EPS15L1: variants seen among roughly 807,000 people sequenced by gnomAD.
EPS15L1 encodes epidermal growth factor receptor substrate 15-like 1.
Under a neutral mutation model 117.1 loss-of-function variants are expected in EPS15L1, and 43 were observed. The observed-to-expected ratio is 0.37, with a 90% CI of 0.29 to 0.47. EPS15L1 has a LOEUF of 0.47. EPS15L1 is among the 20% of genes least tolerant of loss of function. The pLI, the probability that EPS15L1 is intolerant of heterozygous loss-of-function variation, is 0.99. For synonymous variants in EPS15L1, 459 were observed against 470.5 expected, an observed-to-expected ratio of 0.98 and a Z score of 0.32; for missense variants, 981 against 1,164.0, an observed-to-expected ratio of 0.84 and a Z score of 2.29.
chr19:16,423,182 A>G (rs1214310861), intron 9 of EPS15L1, among the ~76,000 whole-genome samples: 1 of 152,196 alleles, frequency 6.6e-6, no homozygotes, highest in African/African-American at 2.4e-5. Flanking sequence ...AAGGGATACC[A>G]TGTGACCCAG....
At position 16,417,983 on chromosome 19, in the gene EPS15L1, T is replaced by A. The variant is rs144887012; in HGVS notation, c.1072A>T (p.Met358Leu). 28 of 1,614,050 alleles carry A rather than the reference T, an allele frequency of 1.7e-5. No homozygotes were observed. In the African/African-American group the frequency reaches 2.1e-4, roughly 12 times the overall value. ...GTGCCTCTCTCCGAAGGCGGGACCATGTCCGGCGAGAGGACTTGAGGAGGG... is the reference window on the plus strand; with the variant it reads ...GTGCCTCTCTCCGAAGGCGGGACCAAGTCCGGCGAGAGGACTTGAGGAGGG... ...IDPPQVLSPD[M>L]VPPSERGTPG... The change falls in exon 11 of 24, where the codon ATG (methionine) becomes TTG (leucine). Residue 358 changes from methionine to leucine, a missense_variant. By Grantham distance (15) the Met-to-Leu change is conservative. Coordinates refer to ENST00000455140, the MANE Select transcript of EPS15L1 (RefSeq NM_001258374.3).
In EPS15L1 at chr19:16,371,204, T is replaced by C. The variant is rs971338579; in HGVS notation, c.2380+5918A>G. ...AGGTCACTGAGCCCTGGTTTCGATG[T>C]TGGCCTGGCATTTCAGAGAAGTGGG... On this transcript the variant is annotated intron_variant, in intron 22 of 23. Coordinates refer to ENST00000455140, the MANE Select transcript of EPS15L1 (RefSeq NM_001258374.3). This position sits in a 1 kb window ranked among gnomAD's most constrained non-coding sequence, Gnocchi z 4.7. 6.6e-6 allele frequency among the ~76,000 whole-genome samples: 1 copy of C among 152,100 alleles called. No homozygotes were observed. The highest frequency in any genetic ancestry group is 1.5e-5 in the Non-Finnish European group (1 of 68,012).
At chr19:16,397,310 GAT>G (rs1327874705) in intron 16 of EPS15L1, among the ~76,000 whole-genome samples, 1 of 152,048 alleles carries the variant, frequency 6.6e-6, no homozygotes, top group East Asian at 1.9e-4. Flanking sequence ...GGCCAGTCTT[GAT>G]CTCCTGACCT....
chr19:16,393,116 A>C (rs1165646209), intron 18 of EPS15L1, among the ~76,000 whole-genome samples: 1 of 82,314 alleles, frequency 1.2e-5, no homozygotes, highest in African/African-American at 3.7e-5. Context: ...TAATAATAAT[A>C]ATAATAATAA....
chr19:16,361,938 C>T lies in EPS15L1; in HGVS notation c.2427G>A (p.Glu809=), dbSNP rs1392035029. ...CGAGTGGCTGGAATGGATCGGGGGCCTCGGGAAAGTCTGCGGAACCAAGCT... is the reference window on the plus strand; with the variant it reads ...CGAGTGGCTGGAATGGATCGGGGGCTTCGGGAAAGTCTGCGGAACCAAGCT... ...VSQLGSADFP[E]APDPFQPLGA... The change falls in exon 23 of 24, where the codon GAG becomes GAA. Residue 809 remains glutamate (E), a synonymous_variant. Coordinates refer to ENST00000455140, the MANE Select transcript of EPS15L1 (RefSeq NM_001258374.3). 5 of 1,613,596 alleles carry T rather than the reference C, an allele frequency of 3.1e-6. No individual in the cohort carries two copies. Among genetic ancestry groups the T allele is most frequent in the Non-Finnish European group, 4.2e-6 (5 of 1,179,858 alleles).
intron 7 of EPS15L1, among the ~76,000 whole-genome samples, chr19:16,432,667 G>C (rs907970376): frequency 1.3e-5 from 2 of 152,034 alleles, no homozygotes; most frequent in Admixed American, 1.3e-4. Flanking sequence ...AGCTACTCGG[G>C]AGGCTGAGGC....
chr19:16,400,475 G>A (rs2092589497), intron 16 of EPS15L1, among the ~76,000 whole-genome samples: 1 of 152,018 alleles, frequency 6.6e-6, no homozygotes, highest in Non-Finnish European at 1.5e-5. Context: ...TACCACTGTG[G>A]ATACACTATT....
intron 1 of EPS15L1, among the ~76,000 whole-genome samples, chr19:16,457,816 C>CGCTCT (rs2093211493): frequency 6.6e-6 from 1 of 152,042 alleles, no homozygotes; most frequent in Admixed American, 6.5e-5. Flanking sequence ...TTCCTCTGAC[C>CGCTCT]CATGAGCGGT....
intron 9 of EPS15L1, among the ~76,000 whole-genome samples, 171 bp downstream of exon 9, chr19:16,424,912 C>T (rs1313697233): frequency 6.6e-6 from 1 of 152,114 alleles, no homozygotes; most frequent in Non-Finnish European, 1.5e-5. Flanking sequence ...CTGCCCACCT[C>T]GGCCTCCCAA....
At position 16,394,219 on chromosome 19, in the gene EPS15L1, T is replaced by C. The variant is rs1350953442; in HGVS notation, c.1916-218A>G. 2.0e-5 allele frequency among the ~76,000 whole-genome samples: 3 copies of C among 152,130 alleles called. No homozygotes were observed. In the East Asian group the frequency reaches 5.8e-4, roughly 29 times the overall value. On this transcript the variant is annotated intron_variant, in intron 17 of 23. Coordinates refer to ENST00000455140, the MANE Select transcript of EPS15L1 (RefSeq NM_001258374.3). ...GAGGCAGCTGTTTCTGGCTAGGATG[T>C]TTAAGATGAGAAGGAAGGTACTGCT...
At chr19:16,424,277 T>C (rs993032633) in intron 9 of EPS15L1, among the ~76,000 whole-genome samples, 18 of 152,186 alleles carry the variant, frequency 1.2e-4, no homozygotes, top group African/African-American at 4.3e-4. Context: ...CTCGTTTTCA[T>C]GACTGTGATC....
At chr19:16,366,266 G>A (rs1240774503) in intron 22 of EPS15L1, among the ~76,000 whole-genome samples, 2 of 152,248 alleles carry the variant, frequency 1.3e-5, no homozygotes, top group South Asian at 2.1e-4. Flanking sequence ...GGAGGGAGGT[G>A]TAAAGGGAGG....
intron 16 of EPS15L1, among the ~76,000 whole-genome samples, chr19:16,400,072 C>T (rs906266171): frequency 2.0e-5 from 3 of 152,130 alleles, no homozygotes; most frequent in Non-Finnish European, 4.4e-5. Flanking sequence ...TGAGGTGGCT[C>T]ACGCCTGTAA....
At chr19:16,455,337 G>T (rs2093184870) in intron 1 of EPS15L1, among the ~76,000 whole-genome samples, 1 of 151,898 alleles carries the variant, frequency 6.6e-6, no homozygotes. Flanking sequence ...ATTTTGCCAG[G>T]CTGGTCTTGA....
At chr19:16,394,295 T>C (rs1870071) in intron 17 of EPS15L1, among the ~76,000 whole-genome samples, 56,266 of 151,920 alleles carry the variant, frequency 0.37, 11,182 homozygotes, top group African/African-American at 0.52. Flanking sequence ...GGGCTAGAAT[T>C]CACTCCTCTC....
intron 23 of EPS15L1, among the ~76,000 whole-genome samples, chr19:16,358,662 G>T (rs138619389): frequency 6.6e-6 from 1 of 152,234 alleles, no homozygotes; most frequent in Non-Finnish European, 1.5e-5. Flanking sequence ...AGCTCGGCAC[G>T]CTGGGCGATG....
intron 4 of EPS15L1, 157 bp downstream of exon 4, chr19:16,440,705 T>G: frequency 1.7e-6 from 1 of 596,944 alleles, no homozygotes; most frequent in South Asian, 2.5e-5. Context: ...TTAAAAGACC[T>G]TTATTTCAAA....
chr19:16,385,340 G>A (rs944642181), intron 20 of EPS15L1, 129 bp from the exon 21 acceptor site: 23 of 756,114 alleles, frequency 3.0e-5, no homozygotes, highest in African/African-American at 6.9e-5. Flanking sequence ...CATTAGACAC[G>A]TGTGTCTGCA....
chr19:16,425,667 T>G lies in EPS15L1; in HGVS notation c.559-351A>C, dbSNP rs1272432335. 1.3e-5 allele frequency among the ~76,000 whole-genome samples: 2 copies of G among 152,110 alleles called. 1 individual carries two copies. The highest frequency in any genetic ancestry group is 2.9e-5 in the Non-Finnish European group (2 of 68,012). On this transcript the variant is annotated intron_variant, in intron 8 of 23. Transcript: ENST00000455140. ...AGACACCAGAAGAGAGACCTGTACT[T>G]CAAGACGTTCAGGAGTAGTCCCAGC...
Sources: gnomAD v4.1 joint callset for allele counts (sites outside exome capture counted in the v4.1 genomes callset) on GRCh38, gnomAD v4.1.1 for gene constraint, Gnocchi (gnomAD v3.1) non-coding constraint, MANE v1.5 for transcripts, NCBI Gene and HGNC (gene_info 2026-07-23, HGNC 2026-07-21) for gene names.